The following EML4 variants were observed in gnomAD, a reference collection of about 807,000 sequenced individuals.
EML4 encodes echinoderm microtubule-associated protein-like 4.
Under a neutral mutation model 129.0 loss-of-function variants are expected in EML4, and 72 were observed. The observed-to-expected ratio is 0.56, with a 90% confidence interval of 0.46 to 0.68. EML4 has a LOEUF of 0.68. Ranked by LOEUF, EML4 falls within the 30% of genes least tolerant of loss-of-function variation. The pLI is 0.00. For missense variants in EML4, 1,363 were observed against 1,190.6 expected (o/e 1.14, Z -2.13); for synonymous variants, 532 against 405.0 (o/e 1.31, Z -3.77).
chr2:42,256,436 T>A, intron 2 of EML4, 65 bp from the exon 3 acceptor site: 2 of 1,497,104 alleles, frequency 1.3e-6, no homozygotes, highest in Non-Finnish European at 1.8e-6. Context: ...GACTTAATTT[T>A]AAAATTTAGA....
chr2:42,198,545 CA>C (rs1371690627), intron 1 of EML4, among the ~76,000 whole-genome samples: 2 of 151,464 alleles, frequency 1.3e-5, no homozygotes, highest in Non-Finnish European at 2.9e-5. Flanking sequence ...TCCATCTCTA[CA>C]AAAAAAGAAG....
intron 1 of EML4, among the ~76,000 whole-genome samples, chr2:42,233,309 CTTTT>C (rs1045073425): frequency 1.5e-5 from 2 of 137,114 alleles, no homozygotes; most frequent in African/African-American, 2.6e-5. Context: ...AGGTTTCTTT[CTTTT>C]TTTTTTTTTT....
At chr2:42,228,775 T>C (rs1435409382) in intron 1 of EML4, among the ~76,000 whole-genome samples, 1 of 152,216 alleles carries the variant, frequency 6.6e-6, no homozygotes, top group East Asian at 1.9e-4. Context: ...TTTTATTTAT[T>C]TATTTACCTT....
intron 1 of EML4, among the ~76,000 whole-genome samples, chr2:42,224,985 GGT>G (rs1673863875): frequency 1.3e-5 from 2 of 152,040 alleles, no homozygotes; most frequent in Middle Eastern, 3.4e-3. Context: ...CTAGGTACCT[GGT>G]ATAAGTGGAA....
At chr2:42,181,362 G>A (rs934297839) in intron 1 of EML4, among the ~76,000 whole-genome samples, 13 of 152,144 alleles carry the variant, frequency 8.5e-5, no homozygotes, top group Admixed American at 2.0e-4. Context: ...GCAGTGGTGC[G>A]ATCACGGCTC....
intron 17 of EML4, among the ~76,000 whole-genome samples, chr2:42,314,522 A>G (rs575394001): frequency 5.9e-5 from 9 of 152,346 alleles, no homozygotes; most frequent in Admixed American, 4.6e-4. Flanking sequence ...TTAAAGGCCA[A>G]TAAGTAGTGA....
chr2:42,304,660 A>G, intron 17 of EML4, 109 bp downstream of exon 17: 1 of 836,442 alleles, frequency 1.2e-6, no homozygotes, highest in South Asian at 1.5e-5. Context: ...TGGCACACTA[A>G]TATGCTTGTT....
At chr2:42,245,414 TG>T in intron 1 of EML4, 90 bp from the exon 2 acceptor site, 4 of 1,259,304 alleles carry the variant, frequency 3.2e-6, no homozygotes. Context: ...TCTCATCTTT[TG>T]TAAGTCTTAT....
In EML4 at chr2:42,282,722, C is replaced by G. The variant is rs1475345944; in HGVS notation, c.792-101C>G. The G allele has an allele frequency of 6.6e-6, 7 of 1,057,424 alleles. No homozygotes were observed. The Admixed American group carries it at 1.2e-4, about 19-fold the overall frequency. 65.5% of individuals were successfully genotyped at this position (1,057,424 alleles called of 1,614,324 possible). The stretch of plus-strand genomic sequence containing the variant: ...ATGAGTTTTCTAGTTCTAGTTCAGT[C>G]TTCTTCATTGTACCTTCCTAATTCC... On this transcript the variant is annotated intron_variant, in intron 7 of 22. Transcript: ENST00000318522.
intron 1 of EML4, among the ~76,000 whole-genome samples, chr2:42,195,430 A>G (rs556392319): frequency 6.6e-6 from 1 of 152,354 alleles, no homozygotes; most frequent in East Asian, 1.9e-4. Flanking sequence ...AACATTAGAA[A>G]TAATTTTTCA....
At chr2:42,179,500 G>T (rs1558477336) in intron 1 of EML4, among the ~76,000 whole-genome samples, 2 of 152,134 alleles carry the variant, frequency 1.3e-5, no homozygotes, top group Non-Finnish European at 2.9e-5. Context: ...TTATGTAAGA[G>T]AATATTTTTA....
chr2:42,300,885 G>A (rs1198633890), intron 13 of EML4, among the ~76,000 whole-genome samples: 1 of 152,102 alleles, frequency 6.6e-6, no homozygotes, highest in African/African-American at 2.4e-5. Context: ...TCAGAAGAGT[G>A]ACACCTACCC....
At chr2:42,281,329 G>T (rs1432864061) in intron 7 of EML4, among the ~76,000 whole-genome samples, 1 of 151,194 alleles carries the variant, frequency 6.6e-6, no homozygotes, top group Non-Finnish European at 1.5e-5. Flanking sequence ...GGAGGCGGAG[G>T]TTGCAGTGAG....
chr2:42,188,098 C>T, intron 1 of EML4, among the ~76,000 whole-genome samples: 1 of 152,072 alleles, frequency 6.6e-6, no homozygotes, highest in Non-Finnish European at 1.5e-5. Context: ...AGCCTTTTTC[C>T]ATTGAATTAC....
rs1354873593 is a variant in EML4 at position 42,245,583 on chromosome 2, A to T, written c.104A>T (p.Glu35Val). 1.2e-6 allele frequency: 2 copies of T among 1,613,848 alleles called. No homozygotes were observed. Among genetic ancestry groups the T allele is most frequent in the Non-Finnish European group, 1.7e-6 (2 of 1,179,912 alleles). ...CTTGAGTCACGAGTTCAGCAACAAG[A>T]AGATGAAATCACTGTGCTAAAGGCG... ...SALESRVQQQ[E>V]DEITVLKAAL... Residue 35 changes from glutamate (E) to valine (V), a missense_variant, in exon 2 of 23, where the codon GAA (glutamate) becomes GTA (valine). Glu to Val is a moderately radical substitution (Grantham distance 121). Coordinates refer to ENST00000318522, the MANE Select transcript of EML4 (RefSeq NM_019063.5).
At chr2:42,228,947 C>T (rs527502885) in intron 1 of EML4, among the ~76,000 whole-genome samples, 1 of 152,060 alleles carries the variant, frequency 6.6e-6, no homozygotes, top group African/African-American at 2.4e-5. Context: ...CCTGCTAATT[C>T]CAATTTAGTC....
intron 1 of EML4, among the ~76,000 whole-genome samples, chr2:42,239,697 G>A (rs1003320888): frequency 1.4e-5 from 2 of 139,950 alleles, no homozygotes; most frequent in African/African-American, 5.4e-5. Flanking sequence ...AAACCAGGGG[G>A]CAATTAGAAA....
In EML4 at chr2:42,269,584, A is replaced by G. The variant is rs192313580; in HGVS notation, c.667+4853A>G. 1.2e-4 allele frequency among the ~76,000 whole-genome samples: 18 copies of G among 152,284 alleles called. No homozygotes were observed. The East Asian group carries it at 3.3e-3, about 28-fold the overall frequency. ...AGAATAAGGAGAGCAGAGAATTGCT[A>G]TTTTATATAGAGTAGTTAGGGAAGA... is the stretch of plus-strand genomic sequence containing the variant. On this transcript the variant is annotated intron_variant, in intron 6 of 22. Transcript: ENST00000318522.
chr2:42,229,710 A>G (rs1043199052), intron 1 of EML4, among the ~76,000 whole-genome samples: 4 of 152,170 alleles, frequency 2.6e-5, no homozygotes, highest in African/African-American at 7.2e-5. Context: ...GCTTATAAAA[A>G]ATAGTAAGAG....
Sources: gnomAD v4.1 joint callset for allele counts (sites outside exome capture counted in the v4.1 genomes callset) on GRCh38, gnomAD v4.1.1 for gene constraint, MANE v1.5 for transcripts, NCBI Gene and HGNC (gene_info 2026-07-23, HGNC 2026-07-21) for gene names.